Variants in RFX6 observed in about 807,000 individuals in gnomAD.
RFX6 encodes regulatory factor X6, also known as DNA-binding protein RFX6.
A neutral mutation model predicts 110.8 loss-of-function variants in RFX6; 50 were observed. The ratio of observed to expected loss-of-function variants is 0.45; its 90% CI spans 0.36 to 0.57. The LOEUF (loss-of-function observed/expected upper bound fraction) is 0.57. Among genes scored for constraint, RFX6 ranks in the 20% least tolerant of loss-of-function variants. The pLI, the probability that RFX6 is intolerant of heterozygous loss-of-function variation, is 0.00. For synonymous variants in RFX6, 383 were observed against 411.2 expected (o/e 0.93, Z 0.83); for missense variants, 990 against 1,127.0 (o/e 0.88, Z 1.74).
chr6:116,888,088 T>C (rs2114667488), intron 4 of RFX6, among the ~76,000 whole-genome samples: 1 of 152,328 alleles, frequency 6.6e-6, no homozygotes, highest in African/African-American at 2.4e-5. Flanking sequence ...TAGCAAGTTA[T>C]TGCAAGTCCC....
intron 11 of RFX6, 58 bp downstream of exon 11, chr6:116,919,354 GAGA>G (rs1775543458): frequency 3.4e-6 from 5 of 1,477,712 alleles, no homozygotes; most frequent in Middle Eastern, 1.7e-4. Context: ...TGAATCTTCT[GAGA>G]AGGACAGATT....
intron 6 of RFX6, among the ~76,000 whole-genome samples, chr6:116,900,078 G>A (rs959180780): frequency 6.6e-6 from 1 of 152,136 alleles, no homozygotes. Flanking sequence ...TTTACAATAT[G>A]AAACTATGAA....
chr6:116,901,535 A>T lies in RFX6; in HGVS notation c.672+6328A>T, dbSNP rs187267241. 3.3e-5 allele frequency among the ~76,000 whole-genome samples: 5 copies of T among 152,332 alleles called. No homozygotes were observed. The East Asian group carries it at 9.6e-4, about 29-fold the overall frequency. ...AACAGAATTATAGCAAAGTATATGA[A>T]GAGGCAATTAATTCAGGATAAACAA... On this transcript the variant is annotated intron_variant, in intron 6 of 18. Coordinates refer to ENST00000332958, the MANE Select transcript of RFX6 (RefSeq NM_173560.4).
chr6:116,914,371 G>A (rs1775418459), intron 7 of RFX6, among the ~76,000 whole-genome samples: 1 of 152,110 alleles, frequency 6.6e-6, no homozygotes. Context: ...ATTGTGAATA[G>A]TGCTGCCATA....
At chr6:116,922,406 A>ATCAG (rs1347601246) in intron 13 of RFX6, among the ~76,000 whole-genome samples, 9 of 152,182 alleles carry the variant, frequency 5.9e-5, no homozygotes, top group African/African-American at 1.9e-4. Context: ...TGCCTTCCCT[A>ATCAG]TCAGTCAATA....
intron 6 of RFX6, among the ~76,000 whole-genome samples, chr6:116,898,235 G>A (rs1774992044): frequency 6.6e-6 from 1 of 152,198 alleles, no homozygotes; most frequent in Non-Finnish European, 1.5e-5. Flanking sequence ...GTGGTGAGCT[G>A]GGGTTTGGTT....
chr6:116,887,961 TG>T (rs1477132745), intron 4 of RFX6, among the ~76,000 whole-genome samples: 1 of 152,222 alleles, frequency 6.6e-6, no homozygotes, highest in African/African-American at 2.4e-5. Flanking sequence ...TTTAATTTTT[TG>T]TAGACTTTGA....
chr6:116,895,775 A>G (rs1774933528), intron 6 of RFX6, among the ~76,000 whole-genome samples: 1 of 152,270 alleles, frequency 6.6e-6, no homozygotes, highest in South Asian at 2.1e-4. Context: ...TGCATGGGTA[A>G]TTAGACACAT....
intron 15 of RFX6, among the ~76,000 whole-genome samples, chr6:116,925,036 G>A (rs574406075): frequency 6.6e-6 from 1 of 152,224 alleles, no homozygotes; most frequent in South Asian, 2.1e-4. Flanking sequence ...CTTAATTTCT[G>A]GGAATTAAGG....
chr6:116,932,020 G>A lies in RFX6; in HGVS notation c.*514G>A, dbSNP rs1775896984. On this transcript the variant is annotated 3_prime_UTR_variant, in exon 19 of 19. Coordinates refer to ENST00000332958, the MANE Select transcript of RFX6 (RefSeq NM_173560.4). ...AATTCAGACAAGACCAAAGTTGCTTGACTTCAATTCCTGTGCATTAGTGTG... is the reference window on the plus strand; with the variant it reads ...AATTCAGACAAGACCAAAGTTGCTTAACTTCAATTCCTGTGCATTAGTGTG... 1 of 155,826 alleles carries A rather than the reference G, an allele frequency of 6.4e-6. No homozygotes were observed. Among genetic ancestry groups the A allele is most frequent in the South Asian group, 2.0e-4 (1 of 5,016 alleles). 9.7% of individuals were successfully genotyped at this position (155,826 alleles called of 1,614,324 possible). A position where few individuals can be genotyped will look rare whatever the true frequency, so the allele number is the denominator to read the frequency against.
In RFX6 at chr6:116,919,103, C is replaced by T. The variant is rs79696244; in HGVS notation, c.1023-34C>T. The T allele has an allele frequency of 0.019, 29,803 of 1,585,326 alleles. 446 individuals are homozygous for T. Among genetic ancestry groups the T allele is most frequent in the South Asian group, 0.05 (4,506 of 90,374 alleles). ...TATGATTGTTTAATGCATTTTTTAA[C>T]AATGAAGCATTTAACACATAGCCTT... On this transcript the variant is annotated intron_variant, in intron 10 of 18. Coordinates refer to ENST00000332958, the MANE Select transcript of RFX6 (RefSeq NM_173560.4).
Position 116,916,260 on chromosome 6 carries a change from C to T in RFX6, c.918C>T (p.Leu306=), listed in dbSNP as rs138602597. ...TGCCTGACCATCTCCTTCCCCTGCT[C>T]GAAAATCCTGTTATCATTGATATTT... ...QGMPDHLLPL[L]ENPVIIDIFC... The change falls in exon 9 of 19, where the codon CTC becomes CTT. Residue 306 remains leucine, a synonymous_variant. Transcript: ENST00000332958. 1.9e-4 allele frequency: 306 copies of T among 1,612,468 alleles called. 1 individual carries two copies. Among genetic ancestry groups the T allele is most frequent in the Non-Finnish European group, 2.4e-4 (288 of 1,179,200 alleles).
chr6:116,882,499 T>C, intron 4 of RFX6, 71 bp downstream of exon 4: 1 of 1,116,194 alleles, frequency 9.0e-7, no homozygotes, highest in South Asian at 1.2e-5. Context: ...AAAATAAGTA[T>C]TGTCTTTGTC....
intron 9 of RFX6, among the ~76,000 whole-genome samples, chr6:116,917,323 AGT>A (rs1775487788): frequency 6.8e-6 from 1 of 146,542 alleles, no homozygotes; most frequent in Non-Finnish European, 1.5e-5. Context: ...TTCAGAGGAG[AGT>A]AAGGATTGTC....
chr6:116,927,472 C>T lies in RFX6; in HGVS notation c.2331C>T (p.Phe777=). 6.2e-7 allele frequency: 1 copy of T among 1,614,046 alleles called. No individual in the cohort carries two copies. The highest frequency in any genetic ancestry group is 8.5e-7 in the Non-Finnish European group (1 of 1,179,982). ...TGCAGTTTTTAAATACAGGAAGCTT[C>T]AATTTCTTGAGCAACACAGGAGCTG... is the stretch of plus-strand genomic sequence containing the variant. ...HNMQFLNTGS[F]NFLSNTGAAS... Residue 777 remains phenylalanine (F), a synonymous_variant, in exon 17 of 19, where the codon TTC becomes TTT. Transcript: ENST00000332958.
At chr6:116,906,541 C>T (rs756620064) in intron 6 of RFX6, among the ~76,000 whole-genome samples, 8 of 151,968 alleles carry the variant, frequency 5.3e-5, no homozygotes, top group African/African-American at 1.2e-4. Context: ...TCTTTCAGCT[C>T]TTTTATGTAG....
At chr6:116,915,057 C>CT (rs1338321658) in intron 7 of RFX6, among the ~76,000 whole-genome samples, 3 of 152,138 alleles carry the variant, frequency 2.0e-5, no homozygotes, top group East Asian at 1.9e-4. Flanking sequence ...CCAAACATTG[C>CT]TTTTTTTCAC....
intron 17 of RFX6, among the ~76,000 whole-genome samples, chr6:116,927,892 A>G (rs147877164): frequency 4.5e-4 from 68 of 151,700 alleles, no homozygotes; most frequent in African/African-American, 1.5e-3. Flanking sequence ...ACAGGCATGC[A>G]TCACCATCCC....
intron 18 of RFX6, 151 bp downstream of exon 18, chr6:116,929,122 A>G: frequency 1.5e-6 from 1 of 679,408 alleles, no homozygotes; most frequent in East Asian, 2.7e-5. Context: ...TATTTTTTGT[A>G]TCTGACTACA....
Sources: gnomAD v4.1 joint callset for allele counts (sites outside exome capture counted in the v4.1 genomes callset) on GRCh38, gnomAD v4.1.1 for gene constraint, MANE v1.5 for transcripts, NCBI Gene and HGNC (gene_info 2026-07-23, HGNC 2026-07-21) for gene names.